The following USP34 variants were observed in gnomAD, a reference collection of about 807,000 sequenced individuals.
USP34 encodes ubiquitin specific peptidase 34.
A neutral mutation model predicts 460.3 loss-of-function variants in USP34; 70 were observed. That is an observed-to-expected ratio of 0.15 (90% CI 0.13 to 0.19). The LOEUF (loss-of-function observed/expected upper bound fraction) is 0.19, where lower values mean the gene tolerates loss of function less well. USP34 is among the 10% of genes least tolerant of loss of function. The pLI is 1.00. For synonymous variants in USP34, 1,647 were observed against 1,405.3 expected (o/e 1.17, Z -3.85); for missense variants, 3,985 against 4,236.2 (o/e 0.94, Z 1.65).
At chr2:61,273,374 A>G (rs899217217) in intron 41 of USP34, among the ~76,000 whole-genome samples, 6 of 152,328 alleles carry the variant, frequency 3.9e-5, no homozygotes, top group Admixed American at 3.3e-4. Flanking sequence ...TCTAAAGTTT[A>G]TGTGGAAAAA....
intron 72 of USP34, 63 bp downstream of exon 72, chr2:61,205,954 A>G (rs890022950): frequency 7.7e-7 from 1 of 1,298,378 alleles, no homozygotes; most frequent in African/African-American, 1.5e-5. Context: ...AACATCACGG[A>G]AAAACTCACA....
intron 2 of USP34, among the ~76,000 whole-genome samples, chr2:61,413,675 TAAAAAA>T (rs1694111452): frequency 2.3e-5 from 2 of 85,724 alleles, no homozygotes; most frequent in African/African-American, 9.3e-5. Flanking sequence ...ATTAAAAAAA[TAAAAAA>T]TAAAAAAACA....
At chr2:61,451,820 A>G (rs1436527012) in intron 1 of USP34, among the ~76,000 whole-genome samples, 1 of 152,206 alleles carries the variant, frequency 6.6e-6, no homozygotes, top group Non-Finnish European at 1.5e-5. Flanking sequence ...CATACTTGAT[A>G]CCAAAATAAA....
In USP34 at chr2:61,251,275, TTATC is replaced by T. The variant is rs200283051; in HGVS notation, c.6222-2596_6222-2593del. ...TAGTCTTGATGTAGTACTGTAAAAA[TTATC>T]TATAACTTAATTCAGCTAAAAAACT... On this transcript the variant is annotated intron_variant, in intron 48 of 79. Coordinates refer to ENST00000398571, the MANE Select transcript of USP34 (RefSeq NM_014709.4). Among the ~76,000 whole-genome samples, 320 of 152,214 alleles carry T rather than the reference TTATC, an allele frequency of 2.1e-3. 6 individuals are homozygous for T. The East Asian group carries it at 0.051, about 24-fold the overall frequency.
In USP34 at chr2:61,341,795, G is replaced by A. The variant is rs535535206; in HGVS notation, c.2500+2020C>T. Among the ~76,000 whole-genome samples, 7 of 121,654 alleles carry A rather than the reference G, an allele frequency of 5.8e-5. No individual in the cohort carries two copies. The South Asian group carries it at 1.9e-3, about 33-fold the overall frequency. The allele number at this position is 121,654 out of a possible 152,430, so 79.8% of individuals were successfully genotyped here. On this transcript the variant is annotated intron_variant, in intron 16 of 79. Transcript: ENST00000398571. The stretch of plus-strand genomic sequence containing the variant: ...TTTTTTTTTGAGATGCAGTCTCGCT[G>A]TGTTGCCCAGGCTGGAGTGGAGTGG...
intron 1 of USP34, among the ~76,000 whole-genome samples, chr2:61,423,674 C>T (rs1252847231): frequency 6.6e-6 from 1 of 152,168 alleles, no homozygotes; most frequent in African/African-American, 2.4e-5. Flanking sequence ...TGAGGCCCAA[C>T]AGCTCACACC....
intron 35 of USP34, among the ~76,000 whole-genome samples, 155 bp from the exon 36 acceptor site, chr2:61,283,604 A>C (rs76817093): frequency 6.6e-6 from 1 of 151,042 alleles, no homozygotes; most frequent in Non-Finnish European, 1.5e-5. Context: ...AGTGAGAGAG[A>C]GTGTGAGTGT....
At chr2:61,440,327 T>C (rs11885010) in intron 1 of USP34, among the ~76,000 whole-genome samples, 2,339 of 152,142 alleles carry the variant, frequency 0.015, 49 homozygotes, top group African/African-American at 0.052. Flanking sequence ...TGCTGGAGGA[T>C]GTGCCCAGAC....
chr2:61,409,450 A>G (rs917778642), intron 2 of USP34, among the ~76,000 whole-genome samples: 1 of 152,116 alleles, frequency 6.6e-6, no homozygotes, highest in Non-Finnish European at 1.5e-5. Flanking sequence ...ACGGTGGCTC[A>G]TGTCTGTAAC....
At chr2:61,396,751 G>A (rs1228948898) in intron 3 of USP34, among the ~76,000 whole-genome samples, 6 of 152,088 alleles carry the variant, frequency 3.9e-5, no homozygotes, top group Non-Finnish European at 7.4e-5. Flanking sequence ...GCCTCCCAAA[G>A]TGCTGGGATT....
chr2:61,188,191 C>T lies in USP34; in HGVS notation c.10552G>A (p.Asp3518Asn). Reference protein sequence around the residue: ...RGLFSHMQQHDILDTLCRTIE... With the variant: ...RGLFSHMQQHNILDTLCRTIE... ...GTCCTACACAGGGTATCTAAAATGT[C>T]ATGTTGCTGCATATGACTAAAGAGT... is the stretch of plus-strand genomic sequence containing the variant. Residue 3518 changes from aspartate (D) to asparagine (N), a missense_variant, in exon 80 of 80, where the codon GAC becomes AAC. Physicochemically the swap from Asp to Asn is conservative, Grantham distance 23. Transcript: ENST00000398571. 2 of 1,614,086 alleles carry T rather than the reference C, an allele frequency of 1.2e-6. No individual in the cohort carries two copies. Among genetic ancestry groups the T allele is most frequent in the Non-Finnish European group, 8.5e-7 (1 of 1,180,028 alleles).
chr2:61,214,775 T>G, intron 67 of USP34, 81 bp from the exon 68 acceptor site: 1 of 1,448,208 alleles, frequency 6.9e-7, no homozygotes, highest in Admixed American at 2.3e-5. Context: ...ACAAAGCCAC[T>G]GTTCCCTTTA....
At chr2:61,446,795 CAAA>C (rs202114862) in intron 1 of USP34, among the ~76,000 whole-genome samples, 341 of 139,472 alleles carry the variant, frequency 2.4e-3, no homozygotes, top group Non-Finnish European at 2.3e-3. Flanking sequence ...GACTCCACAT[CAAA>C]AAAAAAAAAA....
At chr2:61,206,615 C>T (rs762567999) in intron 71 of USP34, 145 bp downstream of exon 71, 3 of 1,066,268 alleles carry the variant, frequency 2.8e-6, no homozygotes, top group Non-Finnish European at 3.9e-6. Flanking sequence ...TCATGACAAA[C>T]ATTTCCTGAT....
chr2:61,429,940 G>A (rs879568366), intron 1 of USP34, among the ~76,000 whole-genome samples: 4 of 151,056 alleles, frequency 2.6e-5, no homozygotes, highest in African/African-American at 4.9e-5. Flanking sequence ...TAGGCTGGGC[G>A]CGGTGGCTCA....
At chr2:61,204,206 A>G in intron 74 of USP34, 50 bp downstream of exon 74, 1 of 1,606,046 alleles carries the variant, frequency 6.2e-7, no homozygotes, top group Non-Finnish European at 8.5e-7. Flanking sequence ...GAAAAATTTC[A>G]AATTACTTTG....
intron 75 of USP34, among the ~76,000 whole-genome samples, chr2:61,198,277 T>G (rs28605466): frequency 7.0e-4 from 106 of 152,364 alleles, no homozygotes; most frequent in African/African-American, 2.3e-3. Flanking sequence ...ATTCTGCATA[T>G]TATTTTTACA....
intron 2 of USP34, among the ~76,000 whole-genome samples, chr2:61,414,380 TGCAA>T (rs755704546): frequency 1.8e-4 from 27 of 152,330 alleles, no homozygotes; most frequent in South Asian, 4.1e-4. Context: ...TCTGAAATTC[TGCAA>T]GCAATTTTCC....
chr2:61,198,545 C>T (rs1287787989), intron 75 of USP34, among the ~76,000 whole-genome samples: 1 of 151,472 alleles, frequency 6.6e-6, no homozygotes. Flanking sequence ...GAGCTTCACC[C>T]TATCTGATAG....
Sources: gnomAD v4.1 joint callset for allele counts (sites outside exome capture counted in the v4.1 genomes callset) on GRCh38, gnomAD v4.1.1 for gene constraint, MANE v1.5 for transcripts, NCBI Gene and HGNC (gene_info 2026-07-23, HGNC 2026-07-21) for gene names.